NRXN3: variants seen among roughly 807,000 people sequenced by gnomAD.
NRXN3 encodes the protein neurexin III.
NRXN3 carries 32 observed loss-of-function variants against 137.6 expected under a neutral mutation model. The observed-to-expected ratio is 0.23, with a 90% CI of 0.18 to 0.31. The LOEUF is 0.31. NRXN3 is among the 10% of genes least tolerant of loss of function. The pLI is 1.00. For missense variants in NRXN3, 1,574 were observed against 2,062.5 expected (o/e 0.76, Z 4.59); for synonymous variants, 798 against 784.5 (o/e 1.02, Z -0.29).
chr14:79,669,979 G>A (rs1411370331), intron 17 of NRXN3, among the ~76,000 whole-genome samples: 1 of 151,982 alleles, frequency 6.6e-6, no homozygotes, highest in African/African-American at 2.4e-5. Context: ...ACTGACTACC[G>A]GTACTGTTCA....
At chr14:79,044,918 C>A (rs1179348049) in intron 15 of NRXN3, among the ~76,000 whole-genome samples, 1 of 150,910 alleles carries the variant, frequency 6.6e-6, no homozygotes, top group Admixed American at 6.6e-5. Flanking sequence ...AGGTGAACTA[C>A]AAATTATTTT....
At chr14:79,242,684 A>G (rs1359243187) in intron 15 of NRXN3, among the ~76,000 whole-genome samples, 1 of 152,124 alleles carries the variant, frequency 6.6e-6, no homozygotes, top group Admixed American at 6.6e-5. Context: ...GTCTTCTGAT[A>G]AGGTCATTAG....
At chr14:79,670,770 C>T (rs1331496961) in intron 17 of NRXN3, among the ~76,000 whole-genome samples, 1 of 152,086 alleles carries the variant, frequency 6.6e-6, no homozygotes, top group Non-Finnish European at 1.5e-5. Context: ...TAAAGCATTG[C>T]ATGAATAATA....
At chr14:79,055,640 T>C (rs1267095982) in intron 15 of NRXN3, among the ~76,000 whole-genome samples, 1 of 152,194 alleles carries the variant, frequency 6.6e-6, no homozygotes, top group Non-Finnish European at 1.5e-5. Context: ...AGTATATATA[T>C]ATTAACATTC....
At chr14:78,395,508 A>G (rs2091348797) in intron 4 of NRXN3, among the ~76,000 whole-genome samples, 1 of 151,828 alleles carries the variant, frequency 6.6e-6, no homozygotes, top group African/African-American at 2.4e-5. Context: ...AGTGTTTGAT[A>G]AATGCCAATT....
chr14:78,760,589 C>A (rs575916628), intron 8 of NRXN3, among the ~76,000 whole-genome samples: 1 of 151,000 alleles, frequency 6.6e-6, no homozygotes, highest in South Asian at 2.1e-4. Flanking sequence ...ATTGAACATA[C>A]ATTTGGCAAG....
At position 79,323,306 on chromosome 14, in the gene NRXN3, T is replaced by C. The variant is rs141943751; in HGVS notation, c.3263-143915T>C. Among the ~76,000 whole-genome samples the C allele has an allele frequency of 1.2e-4, 18 of 152,272 alleles. No homozygotes were observed. In the East Asian group the frequency reaches 3.5e-3, roughly 30 times the overall value. On this transcript the variant is annotated intron_variant, in intron 15 of 20. Coordinates refer to ENST00000335750, the MANE Select transcript of NRXN3 (RefSeq NM_001330195.2). Reference sequence around the variant, plus strand: ...ATCCTCTTGTCTTAGTCTTCCAAAGTGCTGGCATTACAGGCATGAGCCACC... The same window carrying C: ...ATCCTCTTGTCTTAGTCTTCCAAAGCGCTGGCATTACAGGCATGAGCCACC...
At chr14:79,781,904 C>T (rs1568232962) in intron 19 of NRXN3, among the ~76,000 whole-genome samples, 1 of 152,192 alleles carries the variant, frequency 6.6e-6, no homozygotes, top group African/African-American at 2.4e-5. Context: ...AAGTGTCCTA[C>T]AGAGATTCAT....
chr14:78,785,710 C>T (rs2098787257), intron 8 of NRXN3, among the ~76,000 whole-genome samples: 1 of 152,166 alleles, frequency 6.6e-6, no homozygotes, highest in South Asian at 2.1e-4. Flanking sequence ...GCAGTTACAA[C>T]TTTGTTGTTG....
chr14:79,056,519 A>G (rs549400253), intron 15 of NRXN3, among the ~76,000 whole-genome samples: 1 of 152,208 alleles, frequency 6.6e-6, no homozygotes, highest in Non-Finnish European at 1.5e-5. Flanking sequence ...ACAAAGAGCT[A>G]TGGAAATTAA....
rs2069554023 is a variant in NRXN3, at chr14:78,256,160, A to G, written c.709+12358A>G. On this transcript the variant is annotated intron_variant, in intron 2 of 20. Transcript: ENST00000335750. ...AGCCAGCCTGGGACCATGTCAATGC[A>G]GTGGAATGGCTGTTTGAGGCAGGCA... 2.0e-5 allele frequency among the ~76,000 whole-genome samples: 3 copies of G among 152,216 alleles called. No homozygotes were observed. The South Asian group carries it at 6.2e-4, about 32-fold the overall frequency.
chr14:79,627,128 C>G (rs1478459825), intron 16 of NRXN3, among the ~76,000 whole-genome samples: 2 of 152,152 alleles, frequency 1.3e-5, no homozygotes, highest in Admixed American at 6.5e-5. Flanking sequence ...TTGTGACTTT[C>G]TATAGCTTTT....
chr14:78,776,737 A>G (rs559362230), intron 8 of NRXN3, among the ~76,000 whole-genome samples: 7 of 152,344 alleles, frequency 4.6e-5, no homozygotes, highest in Admixed American at 1.3e-4. Flanking sequence ...GACATGCTCC[A>G]TGAAGGACTT....
At position 79,863,157 on chromosome 14, in the gene NRXN3, A is replaced by G. The variant is rs118164284; in HGVS notation, c.*1193A>G. 6.5e-6 allele frequency: 1 copy of G among 152,710 alleles called. No individual in the cohort carries two copies. Among genetic ancestry groups the G allele is most frequent in the East Asian group, 1.9e-4 (1 of 5,184 alleles). 9.5% of individuals were successfully genotyped at this position (152,710 alleles called of 1,614,324 possible). A position where few individuals can be genotyped will look rare whatever the true frequency, so the allele number is the denominator to read the frequency against. On this transcript the variant is annotated 3_prime_UTR_variant, in exon 21 of 21. Coordinates refer to ENST00000335750, the MANE Select transcript of NRXN3 (RefSeq NM_001330195.2). ...TAGTTCTTTCCCCGCCCCGAATGTG[A>G]CAATGGTTTTCATAGTGGTTTAATT...
intron 16 of NRXN3, among the ~76,000 whole-genome samples, chr14:79,568,598 A>G (rs1360194818): frequency 6.6e-6 from 1 of 152,134 alleles, no homozygotes; most frequent in Admixed American, 6.6e-5. Flanking sequence ...TTTTCTGAAT[A>G]ATTGTGTTTG....
chr14:78,913,728 T>C lies in NRXN3; in HGVS notation c.2276-43514T>C, dbSNP rs141596711. ...TTTGTAGCAGATAAAATCTTTTGTTTAAAAGAAATAAAGCCTACTTGAAGT... is the reference window on the plus strand; with the variant it reads ...TTTGTAGCAGATAAAATCTTTTGTTCAAAAGAAATAAAGCCTACTTGAAGT... On this transcript the variant is annotated intron_variant, in intron 10 of 20. Coordinates refer to ENST00000335750, the MANE Select transcript of NRXN3 (RefSeq NM_001330195.2). Among the ~76,000 whole-genome samples, 33 of 152,200 alleles carry C rather than the reference T, an allele frequency of 2.2e-4. No homozygotes were observed. The East Asian group carries it at 4.1e-3, about 19-fold the overall frequency.
intron 20 of NRXN3, among the ~76,000 whole-genome samples, chr14:79,853,199 T>C (rs965525771): frequency 6.6e-6 from 1 of 152,160 alleles, no homozygotes; most frequent in Non-Finnish European, 1.5e-5. Flanking sequence ...CTCTGTAGAT[T>C]TCTGAACCTC....
At chr14:78,460,414 C>A (rs2094889810) in intron 4 of NRXN3, among the ~76,000 whole-genome samples, 1 of 152,130 alleles carries the variant, frequency 6.6e-6, no homozygotes, top group East Asian at 1.9e-4. Context: ...TTTTCTGGCC[C>A]CCATCTAGGA....
At chr14:79,696,619 T>TA (rs1480511474) in intron 18 of NRXN3, among the ~76,000 whole-genome samples, 1 of 151,962 alleles carries the variant, frequency 6.6e-6, no homozygotes. Flanking sequence ...TTGAGAGTTT[T>TA]ATAAGTAGAA....
Sources: allele counts gnomAD v4.1 joint callset (sites outside exome capture counted in the v4.1 genomes callset), GRCh38; gene constraint gnomAD v4.1.1; transcripts MANE v1.5; gene names NCBI Gene and HGNC (gene_info 2026-07-23, HGNC 2026-07-21).